The following FSTL4 variants were observed in gnomAD, a reference collection of about 807,000 sequenced individuals.
FSTL4 encodes the protein follistatin-related protein 4.
A neutral mutation model predicts 78.2 loss-of-function variants in FSTL4; 28 were observed. The observed-to-expected ratio is 0.36, with a 90% CI of 0.27 to 0.49. The LOEUF is 0.49. FSTL4 is among the 20% of genes least tolerant of loss of function. The pLI is 0.98. For synonymous variants in FSTL4, 422 were observed against 440.5 expected, an observed-to-expected ratio of 0.96 and a Z score of 0.53; for missense variants, 922 against 1,084.9, an observed-to-expected ratio of 0.85 and a Z score of 2.11.
At chr5:133,232,640 T>C (rs1318493643) in intron 8 of FSTL4, among the ~76,000 whole-genome samples, 3 of 152,214 alleles carry the variant, frequency 2.0e-5, no homozygotes, top group Non-Finnish European at 4.4e-5. Context: ...CAGTGTGACC[T>C]AGAGGTCAGA....
chr5:133,460,047 C>T (rs938677014), intron 3 of FSTL4, among the ~76,000 whole-genome samples: 1 of 152,168 alleles, frequency 6.6e-6, no homozygotes, highest in Non-Finnish European at 1.5e-5. Flanking sequence ...AACTTTACTT[C>T]ATCCTCTTCA....
In FSTL4 at chr5:133,415,548, G is replaced by A. The variant is rs114833637; in HGVS notation, c.161-14562C>T. On this transcript the variant is annotated intron_variant, in intron 3 of 15. Transcript: ENST00000265342. The stretch of plus-strand genomic sequence containing the variant: ...TCCAAGGAGAGGAGATTCTAACTAT[G>A]TTTTATCTTCAAAAAGTCATAGTAA... 1.2e-3 allele frequency among the ~76,000 whole-genome samples: 185 copies of A among 152,122 alleles called. 1 individual carries two copies. Among genetic ancestry groups the A allele is most frequent in the South Asian group, 5.2e-3 (25 of 4,802 alleles).
rs565910706 is a variant in FSTL4, at chr5:133,270,393, T to C, written c.728-20817A>G. On this transcript the variant is annotated intron_variant, in intron 6 of 15. Coordinates refer to ENST00000265342, the MANE Select transcript of FSTL4 (RefSeq NM_015082.2). ...TCAAAAATGTTCTGTTGCATTATGC[T>C]ATTATTCTCTCTCTGTCAAGGGGCA... Among the ~76,000 whole-genome samples, 231 of 152,366 alleles carry C rather than the reference T, an allele frequency of 1.5e-3. 1 individual carries two copies. In the Middle Eastern group the frequency reaches 0.02, roughly 13 times the overall value.
intron 3 of FSTL4, among the ~76,000 whole-genome samples, chr5:133,532,669 G>A (rs1012355259): frequency 6.6e-6 from 1 of 152,240 alleles, no homozygotes. Context: ...AACACAACAG[G>A]ACAAAAATGT....
intron 4 of FSTL4, among the ~76,000 whole-genome samples, chr5:133,364,758 C>T (rs1755145810): frequency 6.6e-6 from 1 of 152,168 alleles, no homozygotes; most frequent in Non-Finnish European, 1.5e-5. Flanking sequence ...ATCAACCGTT[C>T]TCAAAATGTC....
the FSTL4 span, among the ~76,000 whole-genome samples, chr5:133,729,852 C>T: frequency 6.6e-6 from 1 of 152,078 alleles, no homozygotes; most frequent in Non-Finnish European, 1.5e-5. Flanking sequence ...GTTCTGAAAA[C>T]ACCTGGCTCT....
At chr5:133,563,051 C>A (rs1454201481) in intron 3 of FSTL4, among the ~76,000 whole-genome samples, 1 of 151,974 alleles carries the variant, frequency 6.6e-6, no homozygotes, top group African/African-American at 2.4e-5. Flanking sequence ...CACTGGAAAG[C>A]ACAGAGAGAT....
chr5:133,237,230 G>A (rs1034119040), intron 7 of FSTL4, among the ~76,000 whole-genome samples: 2 of 152,112 alleles, frequency 1.3e-5, no homozygotes, highest in Admixed American at 6.5e-5. Flanking sequence ...GAGAACTCGA[G>A]GCTCTTTTGC....
At chr5:133,602,227 T>G (rs1030898534) in intron 2 of FSTL4, among the ~76,000 whole-genome samples, 4 of 152,146 alleles carry the variant, frequency 2.6e-5, no homozygotes, top group Non-Finnish European at 4.4e-5. Context: ...TTCCTGGACT[T>G]GGAAGACAAA....
chr5:133,805,145 C>A, the FSTL4 span, among the ~76,000 whole-genome samples: 1 of 151,746 alleles, frequency 6.6e-6, no homozygotes, highest in Non-Finnish European at 1.5e-5. Context: ...TCCACTTCAC[C>A]CACCTCCCCT....
At chr5:133,702,705 C>G in the FSTL4 span, among the ~76,000 whole-genome samples, 1 of 152,184 alleles carries the variant, frequency 6.6e-6, no homozygotes, top group Non-Finnish European at 1.5e-5. Context: ...AATCCTTCTT[C>G]TAGAAGTGGA....
intron 13 of FSTL4, among the ~76,000 whole-genome samples, chr5:133,212,320 A>T (rs567403362): frequency 8.5e-5 from 13 of 152,346 alleles, no homozygotes; most frequent in Admixed American, 3.9e-4. Flanking sequence ...GAGTCCAGAG[A>T]ACTTAAGCCA....
chr5:133,800,051 T>G, the FSTL4 span, among the ~76,000 whole-genome samples: 5 of 139,300 alleles, frequency 3.6e-5, 1 homozygote, highest in South Asian at 1.2e-3. Context: ...GCAGTTGTCA[T>G]GGACAACAGG....
intron 4 of FSTL4, among the ~76,000 whole-genome samples, chr5:133,345,869 A>G (rs1174526050): frequency 6.6e-6 from 1 of 152,202 alleles, no homozygotes; most frequent in South Asian, 2.1e-4. Context: ...ATACCATTTG[A>G]CCCAGCAATC....
chr5:133,823,477 C>T, the FSTL4 span, among the ~76,000 whole-genome samples: 1 of 152,128 alleles, frequency 6.6e-6, no homozygotes, highest in African/African-American at 2.4e-5. Context: ...GAAAGTCAGT[C>T]TTAGGGGACT....
At chr5:133,801,494 C>T in the FSTL4 span, among the ~76,000 whole-genome samples, 1 of 152,342 alleles carries the variant, frequency 6.6e-6, no homozygotes, top group Non-Finnish European at 1.5e-5. Flanking sequence ...GAATCTGACG[C>T]TCCGTACCAC....
At chr5:133,353,763 A>C (rs2126928515) in intron 4 of FSTL4, among the ~76,000 whole-genome samples, 1 of 152,366 alleles carries the variant, frequency 6.6e-6, no homozygotes, top group Middle Eastern at 3.4e-3. Context: ...TAACAACCCC[A>C]GAAGCAGGAA....
intron 4 of FSTL4, among the ~76,000 whole-genome samples, chr5:133,329,446 C>T (rs1196418677): frequency 6.6e-6 from 1 of 152,054 alleles, no homozygotes; most frequent in Admixed American, 6.6e-5. Context: ...ACACCTGTAA[C>T]AGGTTCTGTT....
At chr5:133,756,100 G>T in the FSTL4 span, among the ~76,000 whole-genome samples, 2 of 152,136 alleles carry the variant, frequency 1.3e-5, no homozygotes, top group African/African-American at 4.8e-5. Context: ...GGAGGAGGCA[G>T]CTGGCAAGAG....
Sources: allele counts gnomAD v4.1 joint callset (sites outside exome capture counted in the v4.1 genomes callset), GRCh38; gene constraint gnomAD v4.1.1; transcripts MANE v1.5; gene names NCBI Gene and HGNC (gene_info 2026-07-23, HGNC 2026-07-21).